The following KIF21A variants were observed in gnomAD, a reference collection of about 807,000 sequenced individuals.
The protein encoded by KIF21A is kinesin family member 21A, also known as kinesin-like protein KIF21A.
KIF21A carries 114 observed loss-of-function variants against 202.9 expected under a neutral mutation model. The ratio of observed to expected loss-of-function variants is 0.56; its 90% CI spans 0.48 to 0.66. The LOEUF (loss-of-function observed/expected upper bound fraction) is 0.66, where lower values mean the gene tolerates loss of function less well. Ranked by LOEUF, KIF21A falls within the 30% of genes least tolerant of loss-of-function variation. The pLI, the probability that KIF21A is intolerant of heterozygous loss-of-function variation, is 0.00. For synonymous variants in KIF21A, 667 were observed against 670.8 expected (o/e 0.99, Z 0.09); for missense variants, 1,677 against 1,994.9 (o/e 0.84, Z 3.04).
chr12:39,311,658 A>C, intron 31 of KIF21A, 105 bp from the exon 32 acceptor site: 1 of 1,102,650 alleles, frequency 9.1e-7, no homozygotes, highest in Middle Eastern at 2.3e-4. Context: ...AAGTCTTTAT[A>C]AGTAATTAGT....
intron 6 of KIF21A, 45 bp from the exon 7 acceptor site, chr12:39,363,258 T>G (rs373120019): frequency 7.9e-5 from 86 of 1,092,712 alleles, no homozygotes; most frequent in Non-Finnish European, 8.9e-5. Flanking sequence ...ACAAATTTAC[T>G]AATTATAACA....
At chr12:39,315,196 T>A (rs760717825) in intron 31 of KIF21A, 33 bp downstream of exon 31, 5 of 1,600,502 alleles carry the variant, frequency 3.1e-6, no homozygotes, top group Non-Finnish European at 4.3e-6. Context: ...ATACTGGAAA[T>A]GAAATTAATT....
intron 1 of KIF21A, among the ~76,000 whole-genome samples, chr12:39,376,408 T>C (rs560582808): frequency 6.6e-6 from 1 of 152,082 alleles, no homozygotes; most frequent in South Asian, 2.1e-4. Flanking sequence ...ATTATTATCA[T>C]TTTTTATAGA....
At chr12:39,367,205 A>G (rs753490803) in intron 4 of KIF21A, 41 bp from the exon 5 acceptor site, 4 of 1,608,518 alleles carry the variant, frequency 2.5e-6, no homozygotes, top group Non-Finnish European at 3.4e-6. Flanking sequence ...TTGAACAATA[A>G]ACAAGATACT....
At chr12:39,413,806 G>C (rs2140093619) in intron 1 of KIF21A, among the ~76,000 whole-genome samples, 1 of 152,086 alleles carries the variant, frequency 6.6e-6, no homozygotes, top group Non-Finnish European at 1.5e-5. Flanking sequence ...ATGTATTCAG[G>C]TAGCCTCCTC....
In KIF21A at chr12:39,294,213, G is replaced by C. The variant is rs886049338; in HGVS notation, c.*211C>G. The C allele has an allele frequency of 2.0e-6, 1 of 504,102 alleles. No homozygotes were observed. Among genetic ancestry groups the C allele is most frequent in the Non-Finnish European group, 3.6e-6 (1 of 278,478 alleles). 31.2% of individuals were successfully genotyped at this position (504,102 alleles called of 1,614,324 possible). ...GAATAAAGCAATATATCAATTGTAG[G>C]ATATATATCTATTGGTTGATCTTAA... is the stretch of plus-strand genomic sequence containing the variant. On this transcript the variant is annotated 3_prime_UTR_variant, in exon 38 of 38. Coordinates refer to ENST00000361418, the MANE Select transcript of KIF21A (RefSeq NM_001173464.2).
At chr12:39,343,487 A>C (rs2138454555) in intron 12 of KIF21A, among the ~76,000 whole-genome samples, 1 of 152,340 alleles carries the variant, frequency 6.6e-6, no homozygotes, top group African/African-American at 2.4e-5. Context: ...AGAATAGCTT[A>C]ATAACAGCTA....
rs748347422 is a variant in KIF21A at position 39,357,463 on chromosome 12, T to A, written c.1216-26A>T. 5 of 1,588,892 alleles carry A rather than the reference T, an allele frequency of 3.1e-6. No individual in the cohort carries two copies. The East Asian group carries it at 1.1e-4, about 36-fold the overall frequency. ...CTAGTAAAGGAAAATAATGTCCTTG[T>A]TGGTTGAGGAGCCTTAAAAACACAA... On this transcript the variant is annotated intron_variant, in intron 8 of 37. Transcript: ENST00000361418.
At chr12:39,401,582 T>G (rs1165103567) in intron 1 of KIF21A, among the ~76,000 whole-genome samples, 1 of 152,190 alleles carries the variant, frequency 6.6e-6, no homozygotes, top group Non-Finnish European at 1.5e-5. Context: ...TACAGATACT[T>G]ACTGAGGCAA....
At chr12:39,357,718 T>C (rs796592212) in intron 8 of KIF21A, among the ~76,000 whole-genome samples, 2 of 151,712 alleles carry the variant, frequency 1.3e-5, no homozygotes, top group African/African-American at 4.8e-5. Context: ...AAGACCAGCC[T>C]GGCCAACGTG....
chr12:39,311,484 A>G lies in KIF21A; in HGVS notation c.4029T>C (p.Ala1343=). 6.2e-7 allele frequency: 1 copy of G among 1,613,218 alleles called. No individual in the cohort carries two copies. Among genetic ancestry groups the G allele is most frequent in the Non-Finnish European group, 8.5e-7 (1 of 1,179,254 alleles). Residue 1343 remains alanine, a synonymous_variant, in exon 32 of 38, where the codon GCT becomes GCC. Coordinates refer to ENST00000361418, the MANE Select transcript of KIF21A (RefSeq NM_001173464.2). ...RAFPLQCIHI[A]EGHTKAVLCV... Reference sequence around the variant, plus strand: ...AGAGCACAGCTTTTGTATGCCCTTCAGCTATGTGAATACACTGAAGTGGAA... The same window carrying G: ...AGAGCACAGCTTTTGTATGCCCTTCGGCTATGTGAATACACTGAAGTGGAA...
Position 39,368,034 on chromosome 12 carries a change from T to A in KIF21A, c.451-2A>T. On this transcript the variant is annotated splice_acceptor_variant, in intron 3 of 37. Transcript: ENST00000361418. LOFTEE classifies it high-confidence loss of function. ...GTCAAGGACCTCTTCATTATAGAGC[T>A]ATCAAAAAAATATTAGAAATCTAAT... 6.4e-7 allele frequency: 1 copy of A among 1,567,952 alleles called. No homozygotes were observed. The highest frequency in any genetic ancestry group is 8.8e-7 in the Non-Finnish European group (1 of 1,142,060).
At chr12:39,317,930 T>C (rs1237872852) in intron 29 of KIF21A, 143 bp downstream of exon 29, 2 of 817,804 alleles carry the variant, frequency 2.4e-6, no homozygotes, top group Non-Finnish European at 4.0e-6. Flanking sequence ...CCTTTCCCAT[T>C]GGAAAGATGC....
intron 1 of KIF21A, among the ~76,000 whole-genome samples, chr12:39,417,921 G>T (rs1208627310): frequency 1.3e-5 from 2 of 152,070 alleles, no homozygotes; most frequent in Admixed American, 6.6e-5. Context: ...AATAAGCAAA[G>T]AATTGGCTGG....
chr12:39,416,681 A>G (rs1349761106), intron 1 of KIF21A, among the ~76,000 whole-genome samples: 6 of 100,234 alleles, frequency 6.0e-5, no homozygotes, highest in African/African-American at 2.2e-4. Flanking sequence ...GTACATATAT[A>G]TGTGTGTATA....
chr12:39,307,207 C>T (rs1469703929), intron 34 of KIF21A, among the ~76,000 whole-genome samples: 2 of 151,876 alleles, frequency 1.3e-5, no homozygotes, highest in Admixed American at 6.5e-5. Flanking sequence ...GATGTTTAAA[C>T]GATGTTGCAA....
chr12:39,317,851 A>G (rs989308791), intron 29 of KIF21A, among the ~76,000 whole-genome samples: 2 of 152,190 alleles, frequency 1.3e-5, no homozygotes, highest in African/African-American at 2.4e-5. Flanking sequence ...AAGGCATACC[A>G]ATACAAATCT....
chr12:39,396,741 G>A (rs1951787865), intron 1 of KIF21A, among the ~76,000 whole-genome samples: 1 of 152,146 alleles, frequency 6.6e-6, no homozygotes, highest in African/African-American at 2.4e-5. Context: ...ATGTCTTTGG[G>A]TAGACATAGA....
intron 1 of KIF21A, among the ~76,000 whole-genome samples, chr12:39,435,007 C>A (rs1938482809): frequency 6.6e-6 from 1 of 152,166 alleles, no homozygotes; most frequent in Admixed American, 6.5e-5. Flanking sequence ...ACACAACTCT[C>A]CAAAGTTGAG....
Sources: gnomAD v4.1 joint callset for allele counts (sites outside exome capture counted in the v4.1 genomes callset) on GRCh38, gnomAD v4.1.1 for gene constraint, MANE v1.5 for transcripts, NCBI Gene and HGNC (gene_info 2026-07-23, HGNC 2026-07-21) for gene names.